MACROD2: variants seen among roughly 807,000 people sequenced by gnomAD.
MACROD2 encodes mono-ADP ribosylhydrolase 2.
Under a neutral mutation model 70.4 loss-of-function variants are expected in MACROD2, and 36 were observed. That is an observed-to-expected ratio of 0.51 (90% CI 0.39 to 0.68). The LOEUF (loss-of-function observed/expected upper bound fraction) is 0.68, where lower values mean the gene tolerates loss of function less well. Among genes scored for constraint, MACROD2 ranks in the 30% least tolerant of loss-of-function variants. The pLI is 0.00. For synonymous variants in MACROD2, 172 were observed against 178.8 expected, an observed-to-expected ratio of 0.96 and a Z score of 0.30; for missense variants, 496 against 538.4, an observed-to-expected ratio of 0.92 and a Z score of 0.78.
chr20:15,749,180 T>C (rs946504365), intron 8 of MACROD2, among the ~76,000 whole-genome samples: 1 of 152,144 alleles, frequency 6.6e-6, no homozygotes, highest in African/African-American at 2.4e-5. Flanking sequence ...TCTTAAATTG[T>C]TTTTTATAAT....
At chr20:15,319,865 C>T (rs556369955) in intron 6 of MACROD2, among the ~76,000 whole-genome samples, 30 of 152,114 alleles carry the variant, frequency 2.0e-4, no homozygotes, top group Non-Finnish European at 2.8e-4. Flanking sequence ...CAATAGGTCC[C>T]ATATTGTATA....
At chr20:14,482,292 G>A (rs866868362) in intron 3 of MACROD2, among the ~76,000 whole-genome samples, 1 of 151,856 alleles carries the variant, frequency 6.6e-6, no homozygotes, top group African/African-American at 2.4e-5. Flanking sequence ...GGAAACATAT[G>A]TTCCATTGAA....
intron 5 of MACROD2, among the ~76,000 whole-genome samples, chr20:14,852,384 A>G (rs907334101): frequency 6.6e-6 from 1 of 152,164 alleles, no homozygotes; most frequent in African/African-American, 2.4e-5. Context: ...GAGTGATGAT[A>G]AGCCATAGAT....
chr20:14,117,676 A>G (rs1047855473), intron 3 of MACROD2, among the ~76,000 whole-genome samples: 1 of 152,012 alleles, frequency 6.6e-6, no homozygotes, highest in East Asian at 1.9e-4. Context: ...ATGACTCTTC[A>G]TTTCCTTTGG....
At chr20:14,136,211 A>C (rs1334401468) in intron 3 of MACROD2, among the ~76,000 whole-genome samples, 1 of 152,172 alleles carries the variant, frequency 6.6e-6, no homozygotes. Context: ...TTCCATTTCC[A>C]AGTGTTATTT....
chr20:14,176,616 G>A (rs2081265298), intron 3 of MACROD2, among the ~76,000 whole-genome samples: 3 of 152,092 alleles, frequency 2.0e-5, no homozygotes, highest in Non-Finnish European at 4.4e-5. Context: ...GGCAGTTAGT[G>A]CTGTGTTCTA....
intron 12 of MACROD2, among the ~76,000 whole-genome samples, chr20:15,946,448 A>G (rs1047647098): frequency 2.0e-5 from 3 of 152,132 alleles, no homozygotes; most frequent in Admixed American, 2.0e-4. Flanking sequence ...TGGTGCATGC[A>G]TATTTTCACC....
chr20:15,701,719 C>CAT (rs2050462243), intron 8 of MACROD2, among the ~76,000 whole-genome samples: 1 of 152,074 alleles, frequency 6.6e-6, no homozygotes, highest in Non-Finnish European at 1.5e-5. Context: ...GTTATGGGAG[C>CAT]ATATTGGGTG....
At chr20:15,380,532 G>A (rs551857765) in intron 6 of MACROD2, among the ~76,000 whole-genome samples, 5 of 151,340 alleles carry the variant, frequency 3.3e-5, no homozygotes, top group South Asian at 2.1e-4. Flanking sequence ...TATGCAAAAC[G>A]AATCACTTCT....
At chr20:16,036,405 C>T (rs1210784963) in intron 15 of MACROD2, among the ~76,000 whole-genome samples, 1 of 151,924 alleles carries the variant, frequency 6.6e-6, no homozygotes, top group Admixed American at 6.6e-5. Context: ...TATGTAACTC[C>T]ACTAACCTAG....
intron 6 of MACROD2, among the ~76,000 whole-genome samples, chr20:15,385,133 T>TGGGTGG (rs2045696128): frequency 6.6e-6 from 1 of 152,030 alleles, no homozygotes; most frequent in African/African-American, 2.4e-5. Context: ...GGTGGGGCAG[T>TGGGTGG]GGTATCTGAA....
intron 6 of MACROD2, among the ~76,000 whole-genome samples, chr20:15,354,377 C>T (rs938228168): frequency 6.6e-6 from 1 of 152,128 alleles, no homozygotes; most frequent in Non-Finnish European, 1.5e-5. Flanking sequence ...GGAGGGATAG[C>T]ATTAGGAGAT....
At chr20:15,290,594 T>A (rs1471518071) in intron 6 of MACROD2, among the ~76,000 whole-genome samples, 1 of 152,216 alleles carries the variant, frequency 6.6e-6, no homozygotes, top group Non-Finnish European at 1.5e-5. Flanking sequence ...CAACTTCTTT[T>A]GAGCCATTAA....
chr20:14,388,299 A>G (rs1437532292), intron 3 of MACROD2, among the ~76,000 whole-genome samples: 2 of 152,270 alleles, frequency 1.3e-5, no homozygotes, highest in Non-Finnish European at 1.5e-5. Context: ...GGTGTGAGCC[A>G]CTGTGCCCAG....
At chr20:14,669,527 TAGG>T (rs1390149855) in intron 4 of MACROD2, among the ~76,000 whole-genome samples, 1 of 152,158 alleles carries the variant, frequency 6.6e-6, no homozygotes, top group Non-Finnish European at 1.5e-5. Flanking sequence ...GGAAGAAAAT[TAGG>T]AGAAGAGATT....
In MACROD2 at chr20:15,995,450, C is replaced by G. The variant is rs528801338; in HGVS notation, c.1153+8292C>G. On this transcript the variant is annotated intron_variant, in intron 15 of 17. Coordinates refer to ENST00000684519, the MANE Select transcript of MACROD2 (RefSeq NM_001351661.2). ...CTGCAAGCTCCGCCTCCCAGGTTCA[C>G]GCCATTCTCCTGCCTCAGCCTCCTG... 2.6e-5 allele frequency among the ~76,000 whole-genome samples: 4 copies of G among 151,364 alleles called. No individual in the cohort carries two copies. The South Asian group carries it at 8.4e-4, about 32-fold the overall frequency.
chr20:15,885,716 T>C (rs1253964628), intron 9 of MACROD2, 48 bp from the exon 10 acceptor site: 1 of 1,418,058 alleles, frequency 7.1e-7, no homozygotes, highest in Non-Finnish European at 9.3e-7. Context: ...TTCTTGTGTT[T>C]CCCACTTTCA....
rs576197314 is a variant in MACROD2 at position 15,908,704 on chromosome 20, C to A, written c.775+22893C>A. On this transcript the variant is annotated intron_variant, in intron 10 of 17. Transcript: ENST00000684519. Reference sequence around the variant, plus strand: ...AACAGTGTCTGCCCATTAAAATGCACCTTTGCGGTGGTGGTTTGGTTTTCT... The same window carrying A: ...AACAGTGTCTGCCCATTAAAATGCAACTTTGCGGTGGTGGTTTGGTTTTCT... Among the ~76,000 whole-genome samples, 10 of 152,306 alleles carry A rather than the reference C, an allele frequency of 6.6e-5. No individual in the cohort carries two copies. The South Asian group carries it at 2.1e-3, about 32-fold the overall frequency.
At chr20:15,543,558 T>G (rs905948392) in intron 8 of MACROD2, among the ~76,000 whole-genome samples, 3 of 152,120 alleles carry the variant, frequency 2.0e-5, no homozygotes, top group African/African-American at 7.2e-5. Context: ...ATAGAAACTT[T>G]TAGAAATGGT....
Sources: gnomAD v4.1 joint callset for allele counts (sites outside exome capture counted in the v4.1 genomes callset) on GRCh38, gnomAD v4.1.1 for gene constraint, MANE v1.5 for transcripts, NCBI Gene and HGNC (gene_info 2026-07-23, HGNC 2026-07-21) for gene names.